The following SOD2 variants were observed in gnomAD, a reference collection of about 807,000 sequenced individuals.
SOD2 encodes the protein superoxide dismutase 2, also known as superoxide dismutase [Mn], mitochondrial.
Under a neutral mutation model 27.0 loss-of-function variants are expected in SOD2, and 11 were observed. The observed-to-expected ratio is 0.41, with a 90% CI of 0.26 to 0.67. SOD2 has a LOEUF of 0.67. Among genes scored for constraint, SOD2 ranks in the 30% least tolerant of loss-of-function variants. SOD2 has a pLI of 0.34. For synonymous variants in SOD2, 105 were observed against 103.0 expected (o/e 1.02, Z -0.12); for missense variants, 250 against 274.5 (o/e 0.91, Z 0.63).
At chr6:159,736,543 A>G (rs1442951975) in intron 1 of SOD2, 3 of 356,580 alleles carry the variant, frequency 8.4e-6, no homozygotes, top group East Asian at 4.3e-5. Context: ...CCCATGGTCT[A>G]CTCTTAATGT....
At chr6:159,734,933 T>G (rs1778812590) in intron 1 of SOD2, among the ~76,000 whole-genome samples, 1 of 152,192 alleles carries the variant, frequency 6.6e-6, no homozygotes, top group Admixed American at 6.5e-5. Context: ...GGATTTGTAG[T>G]TTAATGAATA....
At chr6:159,703,174 C>T (rs1270256483) in intron 1 of SOD2, among the ~76,000 whole-genome samples, 2 of 152,056 alleles carry the variant, frequency 1.3e-5, no homozygotes, top group South Asian at 2.1e-4. Flanking sequence ...ATTAGCCAGG[C>T]GTGGTGGCGC....
chr6:159,697,034 GACACACACACACACACACACAC>G (rs35334577), upstream of SOD2, among the ~76,000 whole-genome samples: 4 of 132,722 alleles, frequency 3.0e-5, no homozygotes, highest in East Asian at 2.2e-4. Context: ...AGGAGACCCT[GACACACACACACACACACACAC>G]ACACACACAC....
chr6:159,743,527 A>AT, intron 1 of SOD2: 1 of 772,530 alleles, frequency 1.3e-6, no homozygotes, highest in South Asian at 2.3e-5. Context: ...CCAGGAAGAA[A>AT]TTCGCCTGTT....
chr6:159,712,971 C>G (rs1777858075), intron 1 of SOD2: 1 of 612,506 alleles, frequency 1.6e-6, no homozygotes, highest in African/African-American at 1.9e-5. Context: ...TTTGCCATAG[C>G]TGCCACTGCA....
chr6:159,755,185 A>T (rs982597071), intron 1 of SOD2: 3 of 1,614,084 alleles, frequency 1.9e-6, no homozygotes, highest in Non-Finnish European at 2.5e-6. Flanking sequence ...GCAGGACTAC[A>T]GCTTCTGAAC....
intron 1 of SOD2, among the ~76,000 whole-genome samples, chr6:159,704,313 G>A (rs114693839): frequency 0.017 from 2,594 of 152,300 alleles, 85 homozygotes; most frequent in African/African-American, 0.059. Flanking sequence ...AGTGTGAGCC[G>A]AAGCAGGGCC....
chr6:159,686,611 T>C (rs1780198016), intron 3 of SOD2, among the ~76,000 whole-genome samples: 1 of 152,166 alleles, frequency 6.6e-6, no homozygotes, highest in Non-Finnish European at 1.5e-5. Context: ...ATCAAGCCAC[T>C]TCACTGTAGC....
At chr6:159,688,309 AT>A (rs1188432431) in intron 2 of SOD2, 67 bp from the exon 3 acceptor site, 2 of 943,160 alleles carry the variant, frequency 2.1e-6, no homozygotes, top group African/African-American at 1.6e-5. Flanking sequence ...TATACATTAT[AT>A]TTTTTTCTTT....
chr6:159,684,000 C>T (rs1272486222), intron 4 of SOD2, among the ~76,000 whole-genome samples: 1 of 152,178 alleles, frequency 6.6e-6, no homozygotes, highest in Non-Finnish European at 1.5e-5. Flanking sequence ...GGCTCTATTT[C>T]CCATACTCTT....
chr6:159,688,350 T>C lies in SOD2; in HGVS notation c.227-108A>G, dbSNP rs182842918. 2.6e-4 allele frequency: 181 copies of C among 700,712 alleles called. No homozygotes were observed. The East Asian group carries it at 4.5e-3, about 17-fold the overall frequency. 43.4% of individuals were successfully genotyped at this position (700,712 alleles called of 1,614,324 possible). A position where few individuals can be genotyped will look rare whatever the true frequency, so the allele number is the denominator to read the frequency against. On this transcript the variant is annotated intron_variant, in intron 2 of 4. Coordinates refer to ENST00000538183, the MANE Select transcript of SOD2 (RefSeq NM_000636.4). ...GCTATTAGATAATGGGACCAGCTTA[T>C]CTATAACATCCGTTTGTCCTAAAAT...
At chr6:159,711,246 T>A (rs144484143) in intron 1 of SOD2, among the ~76,000 whole-genome samples, 1 of 26,542 alleles carries the variant, frequency 3.8e-5, no homozygotes, top group Non-Finnish European at 6.6e-5. Context: ...ACCACTCACA[T>A]TGCTCTGATC....
intron 1 of SOD2, among the ~76,000 whole-genome samples, chr6:159,702,548 G>A (rs572641433): frequency 1.5e-4 from 23 of 149,986 alleles, no homozygotes; most frequent in Admixed American, 6.0e-4. Flanking sequence ...GCCCACCTCC[G>A]CGGCCTCCTG....
chr6:159,738,088 C>T (rs1779030964), intron 1 of SOD2, among the ~76,000 whole-genome samples: 3 of 152,186 alleles, frequency 2.0e-5, no homozygotes, highest in East Asian at 1.9e-4. Flanking sequence ...TCACATTTCA[C>T]GTTATACTAG....
chr6:159,715,275 G>A (rs1777905012), intron 1 of SOD2, among the ~76,000 whole-genome samples: 1 of 152,144 alleles, frequency 6.6e-6, no homozygotes, highest in South Asian at 2.1e-4. Flanking sequence ...GTGGGATAGA[G>A]AAAACTATTT....
chr6:159,692,768 G>C lies in SOD2; in HGVS notation c.119C>G (p.Pro40Arg). The change falls in exon 2 of 5, where the codon CCT becomes CGT. Residue 40 changes from proline (P) to arginine (R), a missense_variant. Transcript: ENST00000538183. ...CTGCATGATCTGCGCGTTGATGTGA[G>C]GTTCCAGGGCGCCGTAGTCGTAGGG... is the stretch of plus-strand genomic sequence containing the variant. ...DLPYDYGALE[P>R]HINAQIMQLH... is the part of the protein sequence containing the mutation. The C allele has an allele frequency of 1.9e-6, 3 of 1,614,218 alleles. No individual in the cohort carries two copies. The highest frequency in any genetic ancestry group is 2.2e-5 in the South Asian group (2 of 91,084).
intron 1 of SOD2, chr6:159,753,419 T>C: frequency 6.2e-7 from 1 of 1,613,718 alleles, no homozygotes; most frequent in South Asian, 1.1e-5. Flanking sequence ...AGACAGAGAG[T>C]TTTGTCTTCA....
chr6:159,761,500 G>C lies in SOD2; in HGVS notation c.-799C>G, dbSNP rs756573824. 4.4e-5 allele frequency: 20 copies of C among 455,820 alleles called. 1 individual carries two copies. Among genetic ancestry groups the C allele is most frequent in the South Asian group, 2.8e-4 (18 of 64,496 alleles). The allele number at this position is 455,820 out of a possible 1,614,324, so 28.2% of individuals were successfully genotyped here. On this transcript the variant is annotated 5_prime_UTR_variant, in exon 1 of 8. Coordinates refer to the SOD2 transcript ENST00000546087. ...CTCCTAGCAAGCCCCTCACGCGAGC[G>C]AATGACTGGCGCCAGGAGAAACGCA...
intron 1 of SOD2, chr6:159,741,959 C>T: frequency 1.4e-6 from 1 of 713,932 alleles, no homozygotes; most frequent in South Asian, 1.7e-5. Flanking sequence ...CTAAAAAAAA[C>T]TAGATTTAAA....
Sources: gnomAD v4.1 joint callset for allele counts (sites outside exome capture counted in the v4.1 genomes callset) on GRCh38, gnomAD v4.1.1 for gene constraint, MANE v1.5 for transcripts, NCBI Gene and HGNC (gene_info 2026-07-23, HGNC 2026-07-21) for gene names.